The following BBS5 variants were observed in gnomAD, a reference collection of about 807,000 sequenced individuals.
BBS5 encodes the protein BBSome complex member BBS5.
Under a neutral mutation model 50.2 loss-of-function variants are expected in BBS5, and 39 were observed. The ratio of observed to expected loss-of-function variants is 0.78; its 90% confidence interval spans 0.60 to 1.01. The LOEUF (loss-of-function observed/expected upper bound fraction) is 1.01, where lower values mean the gene tolerates loss of function less well. BBS5 is among the 50% of genes least tolerant of loss of function. The probability of loss-of-function intolerance (pLI) is 0.00; values close to 1 mark genes in which losing one functional copy is unlikely to be tolerated. For synonymous variants in BBS5, 134 were observed against 133.1 expected, an observed-to-expected ratio of 1.01 and a Z score of -0.05; for missense variants, 356 against 401.5, an observed-to-expected ratio of 0.89 and a Z score of 0.97.
At chr2:169,493,706 T>C (rs769432950) in intron 6 of BBS5, 35 bp from the exon 7 acceptor site, 13 of 1,416,138 alleles carry the variant, frequency 9.2e-6, no homozygotes, top group African/African-American at 1.4e-5. Context: ...ACCAAAAAAA[T>C]GATCATTTCG....
intron 1 of BBS5, among the ~76,000 whole-genome samples, chr2:169,480,584 C>T (rs1169670413): frequency 6.6e-6 from 1 of 151,116 alleles, no homozygotes; most frequent in East Asian, 1.9e-4. Context: ...ATGTTAGACC[C>T]TTTAAGAAGA....
intron 3 of BBS5, 56 bp downstream of exon 3, chr2:169,487,190 T>C: frequency 8.6e-7 from 1 of 1,163,742 alleles, no homozygotes; most frequent in East Asian, 2.3e-5. Context: ...CAGGTGAATT[T>C]GCATGGTGCC....
chr2:169,480,325 G>T (rs749650408), intron 1 of BBS5, among the ~76,000 whole-genome samples: 9 of 152,206 alleles, frequency 5.9e-5, no homozygotes, highest in Non-Finnish European at 1.3e-4. Context: ...GGCGGGAAAT[G>T]CCGGTTGGGT....
intron 2 of BBS5, among the ~76,000 whole-genome samples, chr2:169,485,868 T>C (rs910646117): frequency 1.3e-5 from 2 of 152,232 alleles, no homozygotes; most frequent in African/African-American, 4.8e-5. Flanking sequence ...GCTGTGTCTC[T>C]CCTCTCAAAG....
In BBS5 at chr2:169,497,638, G is replaced by A. The variant is rs1683717469; in HGVS notation, c.630G>A (p.Lys210=). Residue 210 remains lysine, a synonymous_variant, in exon 8 of 12, where the codon AAG becomes AAA. Coordinates refer to ENST00000295240, the MANE Select transcript of BBS5 (RefSeq NM_152384.3). ...SIPYLQIRSI[K]IRDSKFGLAL... ...CATTTTGTATCTAGCGTTCAATAAA[G>A]ATTAGAGATTCAAAATTTGGTTTAG... 6.3e-7 allele frequency: 1 copy of A among 1,591,738 alleles called. No individual in the cohort carries two copies. Among genetic ancestry groups the A allele is most frequent in the Non-Finnish European group, 8.6e-7 (1 of 1,160,158 alleles).
chr2:169,498,724 G>A (rs757800722), intron 8 of BBS5, among the ~76,000 whole-genome samples: 3 of 151,178 alleles, frequency 2.0e-5, no homozygotes, highest in Non-Finnish European at 2.9e-5. Flanking sequence ...GGAGAATGGC[G>A]CGAACCCGGG....
At chr2:169,479,679 C>T in intron 1 of BBS5, 67 bp downstream of exon 1, 1 of 1,568,630 alleles carries the variant, frequency 6.4e-7, no homozygotes, top group Non-Finnish European at 8.8e-7. Flanking sequence ...CGTTAGGGAC[C>T]CGCGGGCGGA....
chr2:169,501,297 C>CTTCCCTGT (rs1574343639), intron 9 of BBS5, among the ~76,000 whole-genome samples: 1 of 152,202 alleles, frequency 6.6e-6, no homozygotes, highest in East Asian at 1.9e-4. Flanking sequence ...ATACCAGTCT[C>CTTCCCTGT]TTCCCTGTTT....
At chr2:169,487,937 G>A in intron 4 of BBS5, 50 bp from the exon 5 acceptor site, 1 of 1,607,278 alleles carries the variant, frequency 6.2e-7, no homozygotes, top group Non-Finnish European at 8.5e-7. Context: ...TCACTATAAA[G>A]GAGAAATTGC....
At chr2:169,497,543 T>C (rs1559124707) in intron 7 of BBS5, 84 bp from the exon 8 acceptor site, 1 of 828,380 alleles carries the variant, frequency 1.2e-6, no homozygotes, top group Non-Finnish European at 2.1e-6. Flanking sequence ...AAGTAAATAC[T>C]GTGTAAAGTT....
intron 5 of BBS5, among the ~76,000 whole-genome samples, chr2:169,490,900 A>G (rs1290882581): frequency 2.0e-5 from 3 of 152,144 alleles, no homozygotes; most frequent in East Asian, 3.8e-4. Flanking sequence ...TTTACATGGA[A>G]TCATATAATA....
intron 2 of BBS5, among the ~76,000 whole-genome samples, chr2:169,483,265 T>G (rs1174009890): frequency 6.6e-6 from 1 of 152,198 alleles, no homozygotes; most frequent in Non-Finnish European, 1.5e-5. Flanking sequence ...CAGGCCCTGT[T>G]GTAAGCCTGC....
intron 1 of BBS5, among the ~76,000 whole-genome samples, chr2:169,480,615 A>G (rs1394841663): frequency 6.6e-6 from 1 of 151,566 alleles, no homozygotes; most frequent in Non-Finnish European, 1.5e-5. Flanking sequence ...AGGAATTCGT[A>G]AAATTACGGA....
chr2:169,501,579 T>G lies in BBS5; in HGVS notation c.817-1516T>G, dbSNP rs138231085. The stretch of plus-strand genomic sequence containing the variant: ...TAGTGACACCCTGTCTCTACTAAAT[T>G]TTTTTTAAATTTTAAAAACCAGGTG... On this transcript the variant is annotated intron_variant, in intron 9 of 11. Coordinates refer to ENST00000295240, the MANE Select transcript of BBS5 (RefSeq NM_152384.3). 4.6e-4 allele frequency among the ~76,000 whole-genome samples: 70 copies of G among 152,078 alleles called. 1 individual carries two copies. The highest frequency in any genetic ancestry group is 1.5e-3 in the African/African-American group (61 of 41,502).
At chr2:169,496,398 T>C (rs554023086) in intron 7 of BBS5, among the ~76,000 whole-genome samples, 2 of 152,322 alleles carry the variant, frequency 1.3e-5, no homozygotes, top group South Asian at 4.1e-4. Context: ...TTTTTAAAAC[T>C]TAAATATTTT....
chr2:169,494,395 A>C (rs760282138), intron 7 of BBS5, among the ~76,000 whole-genome samples: 4 of 152,178 alleles, frequency 2.6e-5, no homozygotes, highest in Non-Finnish European at 5.9e-5. Context: ...TTTTAGTGAT[A>C]ATACTTTCAG....
Position 169,491,469 on chromosome 2 carries a change from T to C in BBS5, c.387-1405T>C, listed in dbSNP as rs543533262. ...AAAATTAGAAGTTCAACAATGAATA[T>C]ATGAATCTGTTGTTATTAAGGCTAA... On this transcript the variant is annotated intron_variant, in intron 5 of 11. Coordinates refer to ENST00000295240, the MANE Select transcript of BBS5 (RefSeq NM_152384.3). 2.2e-4 allele frequency among the ~76,000 whole-genome samples: 34 copies of C among 152,364 alleles called. 1 individual carries two copies. In the South Asian group the frequency reaches 7.0e-3, roughly 32 times the overall value.
At chr2:169,487,733 T>TCA in intron 3 of BBS5, 73 bp from the exon 4 acceptor site, 1 of 1,008,432 alleles carries the variant, frequency 9.9e-7, no homozygotes. Context: ...CTGTGTATAC[T>TCA]TTTTTTTTAG....
intron 7 of BBS5, among the ~76,000 whole-genome samples, chr2:169,497,346 A>C (rs1335708128): frequency 6.6e-6 from 1 of 152,192 alleles, no homozygotes; most frequent in Non-Finnish European, 1.5e-5. Flanking sequence ...ATTTTTAAAA[A>C]TGTTTACTCC....
Sources: allele counts gnomAD v4.1 joint callset (sites outside exome capture counted in the v4.1 genomes callset), GRCh38; gene constraint gnomAD v4.1.1; transcripts MANE v1.5; gene names NCBI Gene and HGNC (gene_info 2026-07-23, HGNC 2026-07-21).